The following MEF2C variants were observed in gnomAD, a reference collection of about 807,000 sequenced individuals.
MEF2C encodes myocyte enhancer factor 2C, also known as myocyte-specific enhancer factor 2C.
MEF2C carries 6 observed loss-of-function variants against 50.5 expected under a neutral mutation model. The observed-to-expected ratio is 0.12, with a 90% CI of 0.07 to 0.23. The LOEUF (loss-of-function observed/expected upper bound fraction) is 0.23. MEF2C is among the 10% of genes least tolerant of loss of function. The pLI is 1.00. For synonymous variants in MEF2C, 183 were observed against 228.0 expected, an observed-to-expected ratio of 0.80 and a Z score of 1.78; for missense variants, 276 against 605.0, an observed-to-expected ratio of 0.46 and a Z score of 5.70.
intron 3 of MEF2C, among the ~76,000 whole-genome samples, chr5:88,764,675 G>A (rs1779221616): frequency 6.6e-6 from 1 of 151,976 alleles, no homozygotes; most frequent in Non-Finnish European, 1.5e-5. Context: ...AGGCATGGTG[G>A]CGCACGCCTG....
At chr5:88,786,931 T>C (rs1791215082) in intron 3 of MEF2C, among the ~76,000 whole-genome samples, 1 of 152,220 alleles carries the variant, frequency 6.6e-6, no homozygotes, top group South Asian at 2.1e-4. Context: ...TATATCTTAT[T>C]ATGGTTCAGA....
chr5:88,725,742 C>T (rs550113442), intron 10 of MEF2C, among the ~76,000 whole-genome samples: 11 of 152,156 alleles, frequency 7.2e-5, no homozygotes, highest in East Asian at 1.9e-4. Context: ...TTACTGCCTC[C>T]GCCTGGAAAT....
At chr5:88,740,677 CAA>C (rs756482590) in intron 6 of MEF2C, 55 of 790,250 alleles carry the variant, frequency 7.0e-5, no homozygotes, top group South Asian at 1.7e-4. Context: ...GTCTCCAGTA[CAA>C]AAAAAAAAAA....
At chr5:88,767,423 A>C (rs1780522096) in intron 3 of MEF2C, among the ~76,000 whole-genome samples, 1 of 152,090 alleles carries the variant, frequency 6.6e-6, no homozygotes, top group Admixed American at 6.6e-5. Context: ...AAGACACATT[A>C]ATATATTAAA....
At chr5:88,898,519 T>C (rs1313196904) in intron 1 of MEF2C, among the ~76,000 whole-genome samples, 1 of 152,134 alleles carries the variant, frequency 6.6e-6, no homozygotes, top group African/African-American at 2.4e-5. Context: ...GCACTGGTCA[T>C]AGTCACTTGA....
intron 1 of MEF2C, among the ~76,000 whole-genome samples, chr5:88,856,180 C>T (rs1045969228): frequency 1.3e-5 from 2 of 152,148 alleles, no homozygotes; most frequent in Admixed American, 1.3e-4. Flanking sequence ...CATTTTGCTC[C>T]TGACCTAGAG....
chr5:88,812,287 G>A (rs1287149813), intron 2 of MEF2C, among the ~76,000 whole-genome samples: 1 of 152,078 alleles, frequency 6.6e-6, no homozygotes, highest in Non-Finnish European at 1.5e-5. Context: ...ATAAATAAAT[G>A]TTGATAGAAT....
intron 10 of MEF2C, among the ~76,000 whole-genome samples, chr5:88,727,519 G>C (rs1021922673): frequency 1.3e-5 from 2 of 152,092 alleles, no homozygotes; most frequent in Admixed American, 1.3e-4. Flanking sequence ...ATACTAATCA[G>C]TGTTTTATTC....
intron 3 of MEF2C, among the ~76,000 whole-genome samples, chr5:88,771,197 C>T (rs925579311): frequency 9.9e-5 from 15 of 152,214 alleles, no homozygotes; most frequent in African/African-American, 3.6e-4. Context: ...GGGACTGTAA[C>T]AATTCAAGGT....
intron 1 of MEF2C, among the ~76,000 whole-genome samples, chr5:88,854,620 A>T (rs1822597129): frequency 2.0e-5 from 3 of 152,190 alleles, no homozygotes; most frequent in Admixed American, 1.3e-4. Flanking sequence ...CTTGCTTCAA[A>T]TTAATTCAAC....
At chr5:88,854,061 A>G (rs1352660208) in intron 1 of MEF2C, among the ~76,000 whole-genome samples, 1 of 152,202 alleles carries the variant, frequency 6.6e-6, no homozygotes, top group African/African-American at 2.4e-5. Flanking sequence ...AGCATTCTTT[A>G]TCTATTACCT....
chr5:88,840,263 C>T (rs1441552634), intron 1 of MEF2C, among the ~76,000 whole-genome samples: 1 of 152,198 alleles, frequency 6.6e-6, no homozygotes, highest in Non-Finnish European at 1.5e-5. Context: ...ATGTCCACTC[C>T]TCTTGTTCTG....
chr5:88,742,889 G>GT (rs906971769), intron 6 of MEF2C: 33,637 of 630,134 alleles, frequency 0.053, no homozygotes, highest in Non-Finnish European at 0.06. Context: ...TGAGGACTAG[G>GT]TTTTTTTTTT....
chr5:88,875,286 C>T (rs1173748235), intron 1 of MEF2C, among the ~76,000 whole-genome samples: 3 of 151,770 alleles, frequency 2.0e-5, no homozygotes, highest in Admixed American at 2.0e-4. Context: ...ACATTTTCTC[C>T]CCCTGTACTC....
At chr5:88,894,188 C>A (rs938422389) in intron 1 of MEF2C, among the ~76,000 whole-genome samples, 2 of 152,126 alleles carry the variant, frequency 1.3e-5, no homozygotes, top group Non-Finnish European at 2.9e-5. Context: ...TTATTGTCCC[C>A]ATTTTAAGAT....
intron 6 of MEF2C, chr5:88,733,295 T>G: frequency 2.0e-6 from 2 of 985,172 alleles, no homozygotes; most frequent in African/African-American, 3.5e-5. Context: ...AGGAACCTGT[T>G]TAGAAGGGGA....
chr5:88,740,606 A>G, intron 6 of MEF2C: 1 of 984,810 alleles, frequency 1.0e-6, no homozygotes, highest in African/African-American at 1.8e-5. Flanking sequence ...CAAAAGCCAG[A>G]TGTCTGAGAT....
intron 2 of MEF2C, 27 bp downstream of exon 2, chr5:88,823,708 G>A: frequency 6.4e-7 from 1 of 1,555,166 alleles, no homozygotes; most frequent in Non-Finnish European, 8.8e-7. Context: ...AATAAATAAT[G>A]ATACAAAAAA....
chr5:88,764,979 C>A (rs1409760324), intron 3 of MEF2C, among the ~76,000 whole-genome samples: 2 of 152,026 alleles, frequency 1.3e-5, no homozygotes, highest in East Asian at 1.9e-4. Context: ...ATGAAAAAAA[C>A]CAATTAGGTC....
Sources: gnomAD v4.1 joint callset for allele counts (sites outside exome capture counted in the v4.1 genomes callset) on GRCh38, gnomAD v4.1.1 for gene constraint, MANE v1.5 for transcripts, NCBI Gene and HGNC (gene_info 2026-07-23, HGNC 2026-07-21) for gene names.